The following FLNA variants were observed in gnomAD, a reference collection of about 807,000 sequenced individuals.
FLNA encodes the protein filamin-A.
In FLNA, 7 loss-of-function variants were observed where a neutral mutation model predicts 157.6. The ratio of observed to expected loss-of-function variants is 0.04; its 90% CI spans 0.03 to 0.08. FLNA has a LOEUF of 0.08. Ranked by LOEUF, FLNA falls within the 10% of genes least tolerant of loss-of-function variation. FLNA has a pLI of 1.00. For missense variants in FLNA, 1,750 were observed against 2,398.4 expected (o/e 0.73, Z 5.65); for synonymous variants, 1,103 against 1,060.8 (o/e 1.04, Z -0.77).
rs2067602441 is a variant in FLNA, at chrX:154,349,540, G to T, written c.7578C>A (p.Ser2526Arg). 1 of 1,211,432 alleles carries T rather than the reference G, an allele frequency of 8.3e-7. No individual in the cohort carries two copies. The highest frequency in any genetic ancestry group is 1.1e-6 in the Non-Finnish European group (1 of 895,396). The change falls in exon 47 of 48, where the codon AGC becomes AGA. Residue 2526 changes from serine (S) to arginine (R), a missense_variant. Physicochemically the swap from Ser to Arg is moderately radical, Grantham distance 110 (BLOSUM62 -1). Coordinates refer to ENST00000369850, the MANE Select transcript of FLNA (RefSeq NM_001110556.2). Reference protein sequence around the residue: ...VTGPRLVSNHSLHETSSVFVD... With the variant: ...VTGPRLVSNHRLHETSSVFVD... ...CAAACACTGATGATGTCTCGTGGAG[G>T]CTGTGGTTGCTGACGAGACGGGGGC... is the stretch of plus-strand genomic sequence containing the variant.
chrX:154,365,549 C>T lies in FLNA; in HGVS notation c.1430-63G>A, dbSNP rs1487087140. 3.8e-5 allele frequency: 44 copies of T among 1,167,995 alleles called. No homozygotes were observed. In the African/African-American group the frequency reaches 7.6e-4, roughly 20 times the overall value. On this transcript the variant is annotated intron_variant, in intron 9 of 47. Transcript: ENST00000369850. ...GCTGGGCGACCCCTCCCTTGCCTCC[C>T]ACAGGGCCGGGCTGTCAGGATTGGT...
Position 154,352,680 on chromosome X carries a change from A to G in FLNA, c.6380-5T>C. ...CCTTCACAGAGAAGGGGCTGCCTGC[A>G]GGAAGAAAGCACGGCCCACGCCCCT... On this transcript the variant is annotated splice_polypyrimidine_tract_variant and splice_region_variant and intron_variant, in intron 39 of 47. Coordinates refer to ENST00000369850, the MANE Select transcript of FLNA (RefSeq NM_001110556.2). The G allele has an allele frequency of 8.3e-7, 1 of 1,211,796 alleles. No homozygotes were observed. Among genetic ancestry groups the G allele is most frequent in the African/African-American group, 1.7e-5 (1 of 57,993 alleles).
intron 2 of FLNA, among the ~76,000 whole-genome samples, chrX:154,369,934 A>T (rs1391327202): frequency 2.7e-5 from 3 of 111,895 alleles, no homozygotes; most frequent in Non-Finnish European, 5.7e-5. Flanking sequence ...AGGCCTCTCA[A>T]TTCTGAAGAA....
chrX:154,352,952 G>T, intron 38 of FLNA, 28 bp from the exon 39 acceptor site: 1 of 1,211,166 alleles, frequency 8.3e-7, no homozygotes, highest in Non-Finnish European at 1.1e-6. Flanking sequence ...CTGAGCCTCG[G>T]TGCTATGCAC....
chrX:154,357,339 C>T, intron 29 of FLNA, 65 bp from the exon 30 acceptor site: 2 of 1,187,594 alleles, frequency 1.7e-6, no homozygotes, highest in African/African-American at 1.7e-5. Flanking sequence ...GCGGCCCCCA[C>T]TCCCACACGC....
At chrX:154,361,938 G>A in intron 19 of FLNA, 41 bp downstream of exon 19, 2 of 1,190,271 alleles carry the variant, frequency 1.7e-6, no homozygotes, top group Non-Finnish European at 2.3e-6. Context: ...GCTGCATGAG[G>A]AGGCTGGGGA....
chrX:154,368,583 T>C (rs1396442491), intron 2 of FLNA, among the ~76,000 whole-genome samples: 1 of 111,656 alleles, frequency 9.0e-6, no homozygotes, highest in East Asian at 2.8e-4. Flanking sequence ...CCCTGGGTGG[T>C]TGGGAAATAC....
chrX:154,353,243 G>C (rs2067635607), intron 37 of FLNA, 39 bp from the exon 38 acceptor site: 1 of 1,207,307 alleles, frequency 8.3e-7, no homozygotes. Flanking sequence ...GGAGGGCATG[G>C]CTCCCCACAG....
chrX:154,350,251 A>G (rs1557175482), intron 44 of FLNA, 44 bp from the exon 45 acceptor site: 3 of 1,116,917 alleles, frequency 2.7e-6, no homozygotes, highest in Non-Finnish European at 3.7e-6. Flanking sequence ...GCCCCTCCTC[A>G]AACCAGCAGA....
rs1569551504 is a variant in FLNA, at chrX:154,354,031, T to C, written c.5570A>G (p.Gln1857Arg). 3 of 1,211,641 alleles carry C rather than the reference T, an allele frequency of 2.5e-6. No individual in the cohort carries two copies. The highest frequency in any genetic ancestry group is 3.0e-5 in the East Asian group (1 of 33,849). The change falls in exon 35 of 48, where the codon CAG (glutamine) becomes CGG (arginine). Residue 1857 changes from glutamine (Q) to arginine (R), a missense_variant. Coordinates refer to ENST00000369850, the MANE Select transcript of FLNA (RefSeq NM_001110556.2). ...DNMHIPGSPLQFYVDYVNCGH... is the reference protein window; with the variant it reads ...DNMHIPGSPLRFYVDYVNCGH... ...ACAGTTGACGTAATCCACATAGAAC[T>C]GCAAGGGGCTTCCTGAGGCAGGAAG...
chrX:154,365,615 G>C, intron 9 of FLNA, 129 bp from the exon 10 acceptor site: 3 of 821,478 alleles, frequency 3.7e-6, no homozygotes, highest in Non-Finnish European at 5.2e-6. Context: ...ATGCAAGACA[G>C]AACTGGAAGG....
At chrX:154,352,742 G>C (rs1350858194) in intron 39 of FLNA, 30 bp downstream of exon 39, 2 of 1,210,511 alleles carry the variant, frequency 1.7e-6, no homozygotes, top group Non-Finnish European at 2.2e-6. Context: ...GGTGTAGTGA[G>C]GGGGGCTGCC....
chrX:154,361,675 C>A lies in FLNA; in HGVS notation c.2939G>T (p.Gly980Val). ...CAAGGGCCCCAACTACTTACTCTCT[C>A]CCAGGCCAGACACCTTGATCTTGCT... is the stretch of plus-strand genomic sequence containing the variant. ...DLSKIKVSGL[G>V]EKVDVGKDQE... is the part of the protein sequence containing the mutation. The change falls in exon 20 of 48, where the codon GGA (glycine) becomes GTA (valine). Residue 980 changes from glycine (G) to valine (V), a missense_variant. Transcript: ENST00000369850. 1 of 1,209,354 alleles carries A rather than the reference C, an allele frequency of 8.3e-7. No homozygotes were observed. The highest frequency in any genetic ancestry group is 1.7e-5 in the African/African-American group (1 of 57,784).
At chrX:154,372,058 C>G (rs924830228) in intron 1 of FLNA, among the ~76,000 whole-genome samples, 3 of 113,749 alleles carry the variant, frequency 2.6e-5, no homozygotes, top group Admixed American at 9.1e-5. Flanking sequence ...CCTGTGCCCG[C>G]TGCTTCCCAC....
chrX:154,366,762 G>A lies in FLNA; in HGVS notation c.957C>T (p.Tyr319=), dbSNP rs373561030. The A allele has an allele frequency of 2.1e-5, 25 of 1,209,648 alleles. No homozygotes were observed. The highest frequency in any genetic ancestry group is 1.1e-4 in the South Asian group (6 of 56,915). The change falls in exon 6 of 48, where the codon TAC becomes TAT. Residue 319 remains tyrosine (Y), a synonymous_variant. Coordinates refer to ENST00000369850, the MANE Select transcript of FLNA (RefSeq NM_001110556.2). ...CCTGGTGTCCGGCCGGGTCCTCCAC[G>A]TACACCAGCACCTCTCCCTGGCCAG... The part of the protein sequence containing the change: ...RSAGQGEVLV[Y]VEDPAGHQEE...
Position 154,364,384 on chromosome X carries a change from C to T in FLNA, c.2023-12G>A. 2 of 1,203,457 alleles carry T rather than the reference C, an allele frequency of 1.7e-6. No individual in the cohort carries two copies. Among genetic ancestry groups the T allele is most frequent in the Non-Finnish European group, 2.2e-6 (2 of 889,007 alleles). On this transcript the variant is annotated splice_polypyrimidine_tract_variant and intron_variant, in intron 13 of 47. Coordinates refer to ENST00000369850, the MANE Select transcript of FLNA (RefSeq NM_001110556.2). Reference sequence around the variant, plus strand: ...CCACGTGCCTTCACCTAGCGGGAGACCACCCAGCTGTCAGGGGGCCAGGTC... The same window carrying T: ...CCACGTGCCTTCACCTAGCGGGAGATCACCCAGCTGTCAGGGGGCCAGGTC...
Position 154,349,392 on chromosome X carries a change from T to A in FLNA, c.7726A>T (p.Ser2576Cys). The A allele has an allele frequency of 8.3e-7, 1 of 1,211,892 alleles. No homozygotes were observed. The highest frequency in any genetic ancestry group is 1.1e-6 in the Non-Finnish European group (1 of 895,547). ...GLSKAYVGQKSSFTVDCSKAG... is the reference protein window; with the variant it reads ...GLSKAYVGQKCSFTVDCSKAG... ...TTGCTGCAGTCTACTGTGAAGCTGC[T>A]CTTCTGGCCTACGTAGGCCTTGCTC... Residue 2576 changes from serine (S) to cysteine (C), a missense_variant, in exon 47 of 48, where the codon AGC becomes TGC. Coordinates refer to ENST00000369850, the MANE Select transcript of FLNA (RefSeq NM_001110556.2).
At position 154,371,217 on chromosome X, in the gene FLNA, T is replaced by C. The variant is rs781988041; in HGVS notation, c.29A>G (p.Gln10Arg). ...GCCCGGAGCCGCGCCTGCTGCGCTC[T>C]GGCCCGCCCGAGAGTGGGAGCTACT... MSSSHSRAG[Q>R]SAAGAAPGGG... is the part of the protein sequence containing the mutation. The change falls in exon 2 of 48, where the codon CAG becomes CGG. Residue 10 changes from glutamine (Q) to arginine (R), a missense_variant. Around this residue, in one of 5 missense-constraint regions of FLNA, gnomAD observed 58 missense variants for 27.8 expected, o/e 2.09. Transcript: ENST00000369850. 1.4e-5 allele frequency: 17 copies of C among 1,198,579 alleles called. No homozygotes were observed. Among genetic ancestry groups the C allele is most frequent in the Admixed American group, 2.3e-5 (1 of 44,346 alleles).
Position 154,353,636 on chromosome X carries a change from A to G in FLNA, c.5778T>C (p.Pro1926=). The G allele has an allele frequency of 8.3e-7, 1 of 1,211,578 alleles. No homozygotes were observed. Among genetic ancestry groups the G allele is most frequent in the Non-Finnish European group, 1.1e-6 (1 of 895,196 alleles). The part of the protein sequence containing the change: ...QDGTCSVSYL[P]VLPGDYSILV... ...GAATGCTGTAGTCCCCCGGCAGCAC[A>G]GGCAGGTAGGACACGCTGCATGTCC... The change falls in exon 36 of 48, where the codon CCT becomes CCC. Residue 1926 remains proline, a synonymous_variant. Coordinates refer to ENST00000369850, the MANE Select transcript of FLNA (RefSeq NM_001110556.2).
Sources: allele counts gnomAD v4.1 joint callset (sites outside exome capture counted in the v4.1 genomes callset), GRCh38; gene constraint gnomAD v4.1.1; regional missense constraint gnomAD v4.1.1; transcripts MANE v1.5; gene names NCBI Gene and HGNC (gene_info 2026-07-23, HGNC 2026-07-21).